ZMAT1: variants seen among roughly 807,000 people sequenced by gnomAD.
ZMAT1 encodes zinc finger matrin-type 1.
Under a neutral mutation model 18.5 loss-of-function variants are expected in ZMAT1, and 11 were observed. The observed-to-expected ratio is 0.59, with a 90% CI of 0.37 to 0.98. ZMAT1 has a LOEUF of 0.98. Ranked by LOEUF, ZMAT1 falls within the 50% of genes least tolerant of loss-of-function variation. ZMAT1 has a pLI of 0.01. For synonymous variants in ZMAT1, 211 were observed against 176.4 expected (o/e 1.20, Z -1.55); for missense variants, 525 against 496.2 (o/e 1.06, Z -0.55).
At chrX:101,888,167 A>G (rs753123221) in intron 4 of ZMAT1, 1 of 111,613 alleles carries the variant, frequency 9.0e-6, no homozygotes, top group Non-Finnish European at 1.9e-5. Context: ...TATTAAAGTA[A>G]TATCTTTCCA....
At chrX:101,890,920 A>G (rs1927340128) in intron 4 of ZMAT1, among the ~76,000 whole-genome samples, 1 of 111,366 alleles carries the variant, frequency 9.0e-6, no homozygotes. Context: ...AAGAGATGGG[A>G]AGAGGCAAAA....
At chrX:101,898,368 T>C (rs1213848641) in intron 2 of ZMAT1, 148 bp from the exon 3 acceptor site, 1 of 479,458 alleles carries the variant, frequency 2.1e-6, no homozygotes, top group Admixed American at 4.2e-5. Flanking sequence ...TCTCTAAATG[T>C]CAGTTAAAAT....
In ZMAT1 at chrX:101,884,316, A is replaced by G. The variant is rs760045240; in HGVS notation, c.1282T>C (p.Ser428Pro). ...SQTYQRPYHI[S>P]PVESQLPQWL... Reference sequence around the variant, plus strand: ...TGAGGTAACTGGCTTTCCACTGGTGAAATATGGTATGGTCGTTGGTAGGTC... The same window carrying G: ...TGAGGTAACTGGCTTTCCACTGGTGGAATATGGTATGGTCGTTGGTAGGTC... The change falls in exon 6 of 6, where the codon TCA (serine) becomes CCA (proline). Residue 428 changes from serine to proline, a missense_variant. Transcript: ENST00000651725. 31 of 1,208,471 alleles carry G rather than the reference A, an allele frequency of 2.6e-5. No homozygotes were observed. The East Asian group carries it at 7.4e-4, about 29-fold the overall frequency.
chrX:101,900,797 T>C (rs1306731567), intron 2 of ZMAT1, among the ~76,000 whole-genome samples: 9 of 111,890 alleles, frequency 8.0e-5, no homozygotes, highest in Non-Finnish European at 1.5e-4. Flanking sequence ...TCTTTTTTGG[T>C]TCCATATGAA....
At chrX:101,905,939 G>A (rs1043110754) in intron 1 of ZMAT1, among the ~76,000 whole-genome samples, 5 of 109,509 alleles carry the variant, frequency 4.6e-5, no homozygotes, top group African/African-American at 1.7e-4. Flanking sequence ...GCACCTGGGT[G>A]TAGCACAGAA....
intron 4 of ZMAT1, among the ~76,000 whole-genome samples, chrX:101,892,438 G>T (rs1455973628): frequency 1.8e-5 from 2 of 111,246 alleles, no homozygotes; most frequent in Non-Finnish European, 3.8e-5. Flanking sequence ...ATAGTTCTAA[G>T]ATTTGATAAG....
At chrX:101,927,082 A>G (rs1347346535) in intron 1 of ZMAT1, among the ~76,000 whole-genome samples, 2 of 112,387 alleles carry the variant, frequency 1.8e-5, no homozygotes, top group African/African-American at 6.5e-5. Flanking sequence ...AATTGTGCAA[A>G]GAGCACATGT....
At chrX:101,907,276 C>T (rs1344013710) in intron 1 of ZMAT1, among the ~76,000 whole-genome samples, 4 of 111,805 alleles carry the variant, frequency 3.6e-5, no homozygotes, top group African/African-American at 1.3e-4. Flanking sequence ...CCCTCGTCAA[C>T]ACAGGCTGTA....
intron 1 of ZMAT1, among the ~76,000 whole-genome samples, chrX:101,909,849 C>T (rs1055083704): frequency 8.9e-6 from 1 of 112,378 alleles, no homozygotes; most frequent in East Asian, 2.8e-4. Context: ...TAGGGGACCT[C>T]GCCACCCTGA....
Position 101,884,632 on chromosome X carries a change from A to G in ZMAT1, c.966T>C (p.His322=). The G allele has an allele frequency of 8.3e-7, 1 of 1,210,485 alleles. No individual in the cohort carries two copies. The highest frequency in any genetic ancestry group is 1.1e-6 in the Non-Finnish European group (1 of 895,012). ...ATGGGAGTCTTTGTTCAAACATTCTATGTCTGGGTCTGGAATCGACCACTT... is the reference window on the plus strand; with the variant it reads ...ATGGGAGTCTTTGTTCAAACATTCTGTGTCTGGGTCTGGAATCGACCACTT... ...YREVVDSRPR[H]RMFEQRLPFE... Residue 322 remains histidine (H), a synonymous_variant, in exon 6 of 6, where the codon CAT becomes CAC. Coordinates refer to ENST00000651725, the MANE Select transcript of ZMAT1 (RefSeq NM_001394560.1).
intron 1 of ZMAT1, among the ~76,000 whole-genome samples, chrX:101,908,947 A>G (rs915753538): frequency 9.1e-6 from 1 of 110,074 alleles, no homozygotes; most frequent in Admixed American, 9.7e-5. Flanking sequence ...CAGCCAAGGA[A>G]GGACTGAAAT....
intron 5 of ZMAT1, among the ~76,000 whole-genome samples, chrX:101,885,485 C>T (rs1038870279): frequency 1.8e-5 from 2 of 110,137 alleles, no homozygotes; most frequent in African/African-American, 6.6e-5. Flanking sequence ...TATGACGGAA[C>T]CTGTGAATAG....
chrX:101,892,808 T>C (rs1195692212), intron 4 of ZMAT1: 5 of 613,592 alleles, frequency 8.1e-6, no homozygotes, highest in Non-Finnish European at 9.8e-6. Context: ...AAGAGAAAGA[T>C]TAGATATGGG....
At chrX:101,926,857 T>A (rs767893983) in intron 1 of ZMAT1, among the ~76,000 whole-genome samples, 2 of 112,449 alleles carry the variant, frequency 1.8e-5, no homozygotes, top group African/African-American at 3.2e-5. Context: ...TGCTATTAGA[T>A]GTTTTAATGC....
At chrX:101,911,787 G>A (rs773686122) in intron 1 of ZMAT1, 89 of 1,206,528 alleles carry the variant, frequency 7.4e-5, no homozygotes, top group East Asian at 2.4e-4. Context: ...CAGAGCTCCC[G>A]TCTCATCGAA....
chrX:101,886,355 G>A (rs749002904), intron 5 of ZMAT1, among the ~76,000 whole-genome samples: 2 of 111,628 alleles, frequency 1.8e-5, no homozygotes, highest in South Asian at 7.6e-4. Flanking sequence ...TATGGTTAGT[G>A]TGAGAGTGAT....
intron 1 of ZMAT1, among the ~76,000 whole-genome samples, chrX:101,909,830 C>T (rs1326906838): frequency 8.9e-6 from 1 of 112,492 alleles, no homozygotes; most frequent in Non-Finnish European, 1.9e-5. Context: ...TCTAGACTCA[C>T]CCAGAGATTA....
At chrX:101,929,375 G>T (rs1323566250) in intron 1 of ZMAT1, among the ~76,000 whole-genome samples, 1 of 99,604 alleles carries the variant, frequency 1.0e-5, no homozygotes, top group Non-Finnish European at 2.0e-5. Flanking sequence ...CATCATAATT[G>T]ACAACCATTT....
intron 2 of ZMAT1, among the ~76,000 whole-genome samples, chrX:101,902,624 A>C (rs1173767545): frequency 9.0e-6 from 1 of 111,693 alleles, no homozygotes; most frequent in Non-Finnish European, 1.9e-5. Flanking sequence ...CTATACAATA[A>C]ATAGTGCTGG....
Sources: gnomAD v4.1 joint callset for allele counts (sites outside exome capture counted in the v4.1 genomes callset) on GRCh38, gnomAD v4.1.1 for gene constraint, MANE v1.5 for transcripts, NCBI Gene and HGNC (gene_info 2026-07-23, HGNC 2026-07-21) for gene names.